The following TPD52L2 variants were observed in gnomAD, a reference collection of about 807,000 sequenced individuals.
TPD52L2 encodes tumor protein D54.
TPD52L2 carries 19 observed loss-of-function variants against 24.7 expected under a neutral mutation model. The observed-to-expected ratio is 0.77, with a 90% CI of 0.54 to 1.13. The LOEUF (loss-of-function observed/expected upper bound fraction) is 1.13, where lower values mean the gene tolerates loss of function less well. Ranked by LOEUF, TPD52L2 falls within the 50% of genes most tolerant of loss-of-function variation. The pLI is 0.00. For missense variants in TPD52L2, 236 were observed against 250.4 expected (o/e 0.94, Z 0.39); for synonymous variants, 104 against 100.2 (o/e 1.04, Z -0.23).
intron 4 of TPD52L2, among the ~76,000 whole-genome samples, chr20:63,880,421 G>A (rs553547561): frequency 6.7e-6 from 1 of 149,694 alleles, no homozygotes; most frequent in East Asian, 2.0e-4. Context: ...CCACTCTTAG[G>A]GCACAAATGC....
At chr20:63,876,743 G>T (rs2052694742) in intron 4 of TPD52L2, 1 of 455,886 alleles carries the variant, frequency 2.2e-6, no homozygotes, top group Admixed American at 2.4e-5. Flanking sequence ...TGCACATGGA[G>T]CCTTTGCGTC....
intron 5 of TPD52L2, among the ~76,000 whole-genome samples, chr20:63,883,342 G>A (rs1219552803): frequency 6.6e-6 from 1 of 152,188 alleles, no homozygotes; most frequent in Non-Finnish European, 1.5e-5. Flanking sequence ...CAGGGCTGGG[G>A]CCAAGGAGTG....
rs2052727133 is a variant in TPD52L2, at chr20:63,877,366, A to G, written c.374+1491A>G. Among the ~76,000 whole-genome samples, 1 of 151,972 alleles carries G rather than the reference A, an allele frequency of 6.6e-6. No individual in the cohort carries two copies. Among genetic ancestry groups the G allele is most frequent in the Admixed American group, 6.6e-5 (1 of 15,256 alleles). On this transcript the variant is annotated intron_variant, in intron 4 of 6. Transcript: ENST00000346249. The surrounding 1 kb of genome is among the most constrained non-coding windows in gnomAD (Gnocchi z 4.1). The stretch of plus-strand genomic sequence containing the variant: ...AGTAGAGACAGGGTTTCATGGTGTT[A>G]GCCAGGATGGTTTCGATCTCCTGAC...
intron 4 of TPD52L2, 30 bp downstream of exon 4, chr20:63,875,905 C>T (rs564130702): frequency 6.2e-7 from 1 of 1,610,620 alleles, no homozygotes; most frequent in Non-Finnish European, 8.5e-7. Flanking sequence ...GCACCTCCTC[C>T]TTCCTCCTCT....
At chr20:63,870,317 C>T (rs2052409581) in intron 2 of TPD52L2, among the ~76,000 whole-genome samples, 1 of 152,050 alleles carries the variant, frequency 6.6e-6, no homozygotes, top group Non-Finnish European at 1.5e-5. Context: ...AGGCCTAGGT[C>T]TGAGTAAGGT....
chr20:63,881,325 C>T (rs2052889623), intron 4 of TPD52L2, among the ~76,000 whole-genome samples: 1 of 151,242 alleles, frequency 6.6e-6, no homozygotes, highest in Admixed American at 6.6e-5. Context: ...GCACCACTGC[C>T]CCCCAGCCTG....
intron 5 of TPD52L2, chr20:63,887,672 GC>G: frequency 6.7e-7 from 1 of 1,486,124 alleles, no homozygotes; most frequent in Admixed American, 1.7e-5. Context: ...GGCAGCTCCC[GC>G]CGGTTACACC....
At position 63,869,345 on chromosome 20, in the gene TPD52L2, G is replaced by T. The variant is rs929634458; in HGVS notation, c.69G>T (p.Thr23=). Residue 23 remains threonine, a synonymous_variant, in exon 2 of 7, where the codon ACG becomes ACT. Transcript: ENST00000346249. ...AAGGTCTGCTGTCTGACTCCATGAC[G>T]GATGTTCCTGTCGACACAGGTGTGG... ...PNKGLLSDSM[T]DVPVDTGVAA... is the part of the protein sequence containing the mutation. The T allele has an allele frequency of 1.2e-6, 2 of 1,614,144 alleles. No individual in the cohort carries two copies. The highest frequency in any genetic ancestry group is 1.7e-6 in the Non-Finnish European group (2 of 1,180,032).
chr20:63,880,863 C>T (rs910936753), intron 4 of TPD52L2, among the ~76,000 whole-genome samples: 77 of 150,490 alleles, frequency 5.1e-4, no homozygotes, highest in African/African-American at 1.9e-3. Flanking sequence ...TGCACTCCAG[C>T]CTGGGCTACA....
At chr20:63,885,920 G>A (rs2053075698) in intron 5 of TPD52L2, 3 of 1,334,992 alleles carry the variant, frequency 2.2e-6, no homozygotes, top group Non-Finnish European at 3.2e-6. Context: ...ACGAGCAGGG[G>A]GCCTCCCCTG....
intron 5 of TPD52L2, among the ~76,000 whole-genome samples, chr20:63,884,456 G>A (rs2053021755): frequency 6.6e-6 from 1 of 152,182 alleles, no homozygotes; most frequent in Non-Finnish European, 1.5e-5. Context: ...CCATTGTGGT[G>A]GAAATCCAAG....
Position 63,877,811 on chromosome 20 carries a change from C to T in TPD52L2, c.374+1936C>T, listed in dbSNP as rs2052745473. On this transcript the variant is annotated intron_variant, in intron 4 of 6. Coordinates refer to ENST00000346249, the MANE Select transcript of TPD52L2 (RefSeq NM_003288.4). The surrounding 1 kb of genome is among the most constrained non-coding windows in gnomAD (Gnocchi z 4.1). ...GAGGCCATTCCCCTGAGTTCTGTGG[C>T]GAGAGCTGTCAACTGACGGTTCCAG... Among the ~76,000 whole-genome samples the T allele has an allele frequency of 6.6e-6, 1 of 152,274 alleles. No individual in the cohort carries two copies. Among genetic ancestry groups the T allele is most frequent in the African/African-American group, 2.4e-5 (1 of 41,480 alleles).
chr20:63,874,406 C>T (rs1323526259), intron 3 of TPD52L2, among the ~76,000 whole-genome samples: 1 of 150,418 alleles, frequency 6.6e-6, no homozygotes, highest in Non-Finnish European at 1.5e-5. Flanking sequence ...GATGGTTTCG[C>T]TCTGTCACCC....
chr20:63,889,288 C>T (rs370717054), intron 6 of TPD52L2, 50 bp downstream of exon 6: 24 of 1,496,152 alleles, frequency 1.6e-5, no homozygotes, highest in Non-Finnish European at 2.2e-5. Flanking sequence ...TGACCTGTTA[C>T]AGCAACTTGT....
At chr20:63,886,241 C>G (rs2053092562) in intron 5 of TPD52L2, among the ~76,000 whole-genome samples, 1 of 152,180 alleles carries the variant, frequency 6.6e-6, no homozygotes, top group Non-Finnish European at 1.5e-5. Context: ...CAGAGGCCCC[C>G]CGGAACCCCC....
intron 5 of TPD52L2, among the ~76,000 whole-genome samples, chr20:63,886,466 T>C (rs527330871): frequency 6.6e-6 from 1 of 151,618 alleles, no homozygotes; most frequent in Non-Finnish European, 1.5e-5. Context: ...GTTCACGCCA[T>C]TCTCCTGCCT....
intron 4 of TPD52L2, 30 bp from the exon 5 acceptor site, chr20:63,882,689 T>G: frequency 6.3e-7 from 1 of 1,584,446 alleles, no homozygotes; most frequent in Non-Finnish European, 8.7e-7. Context: ...GCCCATGCTG[T>G]CTGGTTGATT....
At chr20:63,876,488 G>A (rs926349610) in intron 4 of TPD52L2, among the ~76,000 whole-genome samples, 1 of 152,184 alleles carries the variant, frequency 6.6e-6, no homozygotes, top group Non-Finnish European at 1.5e-5. Flanking sequence ...CTAATATTTG[G>A]AGATCCTTAA....
intron 5 of TPD52L2, chr20:63,887,761 C>G: frequency 2.7e-6 from 2 of 748,326 alleles, no homozygotes; most frequent in Non-Finnish European, 4.6e-6. Context: ...CCGGTAAAAA[C>G]CCCCTCTAGG....
Sources: gnomAD v4.1 joint callset for allele counts (sites outside exome capture counted in the v4.1 genomes callset) on GRCh38, gnomAD v4.1.1 for gene constraint, Gnocchi (gnomAD v3.1) non-coding constraint, MANE v1.5 for transcripts, NCBI Gene and HGNC (gene_info 2026-07-23, HGNC 2026-07-21) for gene names.